PTPRT: variants seen among roughly 807,000 people sequenced by gnomAD.
PTPRT encodes protein tyrosine phosphatase receptor type T, also known as receptor-type tyrosine-protein phosphatase T.
In PTPRT, 56 loss-of-function variants were observed where a neutral mutation model predicts 176.8. That is an observed-to-expected ratio of 0.32 (90% CI 0.26 to 0.40). The LOEUF is 0.40. PTPRT is among the 10% of genes least tolerant of loss of function. The pLI is 1.00. For missense variants in PTPRT, 1,540 were observed against 1,908.2 expected (o/e 0.81, Z 3.60); for synonymous variants, 783 against 739.0 (o/e 1.06, Z -0.96).
chr20:42,647,408 G>T (rs527561116), intron 7 of PTPRT, among the ~76,000 whole-genome samples: 3 of 152,172 alleles, frequency 2.0e-5, no homozygotes, highest in African/African-American at 7.2e-5. Flanking sequence ...CCCCTCATAT[G>T]CTGTACCCCT....
intron 18 of PTPRT, among the ~76,000 whole-genome samples, chr20:42,135,914 A>G (rs1431207256): frequency 6.6e-6 from 1 of 152,106 alleles, no homozygotes; most frequent in Non-Finnish European, 1.5e-5. Context: ...ATACCCTTCT[A>G]TGCCACACTT....
At chr20:42,362,903 C>T (rs564719413) in intron 9 of PTPRT, among the ~76,000 whole-genome samples, 39 of 151,764 alleles carry the variant, frequency 2.6e-4, no homozygotes, top group South Asian at 2.1e-3. Context: ...GTCAGGAGTT[C>T]GAGACCAGCC....
chr20:42,520,926 T>C (rs1022857716), intron 7 of PTPRT, among the ~76,000 whole-genome samples: 2 of 151,766 alleles, frequency 1.3e-5, no homozygotes, highest in African/African-American at 4.8e-5. Flanking sequence ...TCTATTTATC[T>C]ATCTACCTAT....
rs141188512 is a variant in PTPRT at position 42,534,382 on chromosome 20, C to G, written c.1154-61820G>C. On this transcript the variant is annotated intron_variant, in intron 7 of 30. Transcript: ENST00000373187. ...GGCATGGTGGCTCATGCCTGTAATCCCAGCACTTTGGGAGGCCGAGGCGGG... is the reference window on the plus strand; with the variant it reads ...GGCATGGTGGCTCATGCCTGTAATCGCAGCACTTTGGGAGGCCGAGGCGGG... 4.6e-3 allele frequency among the ~76,000 whole-genome samples: 698 copies of G among 152,208 alleles called. 4 individuals are homozygous for G. Among genetic ancestry groups the G allele is most frequent in the African/African-American group, 0.016 (666 of 41,510 alleles).
In PTPRT at chr20:42,081,971, A is replaced by G. The variant is rs1983370021; in HGVS notation, c.4183T>C (p.Cys1395Arg). The G allele has an allele frequency of 1.2e-6, 2 of 1,614,062 alleles. No individual in the cohort carries two copies. The highest frequency in any genetic ancestry group is 1.7e-6 in the Non-Finnish European group (2 of 1,180,032). ...ATGTTTTGCTGCTGGATCATCTCAC[A>G]CACACTGCAGATGGCACAGAAGGTT... ...SGTFCAICSV[C>R]EMIQQQNIID... The change falls in exon 30 of 31, where the codon TGT becomes CGT. Residue 1395 changes from cysteine to arginine, a missense_variant. Coordinates refer to ENST00000373187, the MANE Select transcript of PTPRT (RefSeq NM_007050.6).
intron 9 of PTPRT, among the ~76,000 whole-genome samples, chr20:42,426,654 C>T (rs913261863): frequency 1.2e-4 from 18 of 152,186 alleles, no homozygotes; most frequent in Non-Finnish European, 2.1e-4. Flanking sequence ...AGACACCCAC[C>T]CCTGGATGCT....
intron 7 of PTPRT, among the ~76,000 whole-genome samples, chr20:42,557,254 AG>A (rs1432959612): frequency 6.6e-6 from 1 of 152,122 alleles, no homozygotes; most frequent in African/African-American, 2.4e-5. Context: ...TCTAGACCCT[AG>A]GAATACAGCA....
At chr20:42,871,510 C>T (rs2145825194) in intron 2 of PTPRT, among the ~76,000 whole-genome samples, 1 of 152,256 alleles carries the variant, frequency 6.6e-6, no homozygotes, top group South Asian at 2.1e-4. Flanking sequence ...TATATTTGCT[C>T]TTGTCGCCTG....
At position 42,318,394 on chromosome 20, in the gene PTPRT, C is replaced by T. The variant is rs115355684; in HGVS notation, c.1866-2398G>A. 3.9e-3 allele frequency among the ~76,000 whole-genome samples: 598 copies of T among 152,206 alleles called. 4 individuals carry two copies. The highest frequency in any genetic ancestry group is 0.014 in the African/African-American group (569 of 41,522). ...AGGACCTGCACTGCTTTATAAATAA[C>T]AATATATTCAGGTAAATCTTTGAAT... is the stretch of plus-strand genomic sequence containing the variant. On this transcript the variant is annotated intron_variant, in intron 11 of 30. Coordinates refer to ENST00000373187, the MANE Select transcript of PTPRT (RefSeq NM_007050.6).
At chr20:42,371,172 A>T (rs2058581861) in intron 9 of PTPRT, among the ~76,000 whole-genome samples, 1 of 152,240 alleles carries the variant, frequency 6.6e-6, no homozygotes, top group Non-Finnish European at 1.5e-5. Flanking sequence ...GCAGCCCCAT[A>T]GGGCAGTGGT....
chr20:42,996,800 A>G (rs1156282589), intron 1 of PTPRT, among the ~76,000 whole-genome samples: 1 of 152,196 alleles, frequency 6.6e-6, no homozygotes, highest in Non-Finnish European at 1.5e-5. Flanking sequence ...TATGACCTTG[A>G]GCAAGTCTCA....
intron 7 of PTPRT, among the ~76,000 whole-genome samples, chr20:42,668,914 G>C (rs2075366517): frequency 8.1e-6 from 1 of 123,938 alleles, no homozygotes; most frequent in Non-Finnish European, 1.6e-5. Flanking sequence ...GTTTCACTGT[G>C]TTGGCCAGGA....
chr20:43,126,487 C>T (rs1424503498), intron 1 of PTPRT, among the ~76,000 whole-genome samples: 2 of 152,148 alleles, frequency 1.3e-5, no homozygotes, highest in African/African-American at 4.8e-5. Flanking sequence ...ATAGTCAATG[C>T]CTGACTGAAC....
intron 7 of PTPRT, among the ~76,000 whole-genome samples, chr20:42,657,630 T>C (rs2075149147): frequency 6.6e-6 from 1 of 152,208 alleles, no homozygotes; most frequent in South Asian, 2.1e-4. Context: ...GCTTCCTTGT[T>C]ATCAGATTCT....
chr20:42,676,561 CTCTT>C (rs1032127909), intron 7 of PTPRT, among the ~76,000 whole-genome samples: 3 of 140,014 alleles, frequency 2.1e-5, no homozygotes, highest in Admixed American at 2.1e-4. Flanking sequence ...CTCTCTCTCT[CTCTT>C]TTATTCATCA....
intron 18 of PTPRT, among the ~76,000 whole-genome samples, chr20:42,134,950 T>C (rs981557836): frequency 4.6e-5 from 7 of 152,214 alleles, no homozygotes; most frequent in African/African-American, 1.7e-4. Context: ...TCAAATGCAC[T>C]GTGTTCACTC....
intron 1 of PTPRT, among the ~76,000 whole-genome samples, chr20:42,976,227 G>A (rs1049666775): frequency 6.6e-6 from 1 of 151,944 alleles, no homozygotes; most frequent in Non-Finnish European, 1.5e-5. Context: ...TCAGATACAG[G>A]GAGCCCTGCA....
intron 7 of PTPRT, among the ~76,000 whole-genome samples, chr20:42,608,153 A>G (rs1011038360): frequency 6.6e-6 from 1 of 152,174 alleles, no homozygotes; most frequent in African/African-American, 2.4e-5. Context: ...CAAACTCTGC[A>G]TCTGGCACCT....
At chr20:42,578,645 T>A (rs2073308808) in intron 7 of PTPRT, among the ~76,000 whole-genome samples, 1 of 152,158 alleles carries the variant, frequency 6.6e-6, no homozygotes. Context: ...GCAAATCTGT[T>A]GGCTGGATCT....
Sources: gnomAD v4.1 joint callset for allele counts (sites outside exome capture counted in the v4.1 genomes callset) on GRCh38, gnomAD v4.1.1 for gene constraint, MANE v1.5 for transcripts, NCBI Gene and HGNC (gene_info 2026-07-23, HGNC 2026-07-21) for gene names.